Variants in TOX2 observed in about 807,000 individuals in gnomAD.
The protein encoded by TOX2 is granulosa cell HMG box 1.
In TOX2, 15 loss-of-function variants were observed where a neutral mutation model predicts 47.4. The ratio of observed to expected loss-of-function variants is 0.32; its 90% CI spans 0.21 to 0.49. TOX2 has a LOEUF of 0.49. TOX2 is among the 20% of genes least tolerant of loss of function. The pLI is 0.99. For synonymous variants in TOX2, 290 were observed against 296.6 expected (o/e 0.98, Z 0.23); for missense variants, 622 against 673.1 (o/e 0.92, Z 0.84).
rs1328195545 is a variant in TOX2, at chr20:43,916,058, C to G, written c.99+1068C>G. ...GGAACTTTCAAACTTAGTTAGGAAG[C>G]CAGACTGTCCGCGCGTCCGCCAGTC... is the stretch of plus-strand genomic sequence containing the variant. On this transcript the variant is annotated intron_variant, in intron 1 of 8. Transcript: ENST00000341197. This position sits in a 1 kb window ranked among gnomAD's most constrained non-coding sequence, Gnocchi z 5.0. 2 of 936,120 alleles carry G rather than the reference C, an allele frequency of 2.1e-6. No homozygotes were observed. Among genetic ancestry groups the G allele is most frequent in the Non-Finnish European group, 2.5e-6 (2 of 785,094 alleles). The allele number at this position is 936,120 out of a possible 1,614,324, so 58.0% of individuals were successfully genotyped here.
At chr20:44,014,395 T>G (rs1015066963) in intron 3 of TOX2, among the ~76,000 whole-genome samples, 1 of 152,022 alleles carries the variant, frequency 6.6e-6, no homozygotes, top group Non-Finnish European at 1.5e-5. Flanking sequence ...CATATGAGGG[T>G]GTGCACGCAG....
chr20:43,974,459 TG>T (rs1269492035), intron 2 of TOX2, among the ~76,000 whole-genome samples: 1 of 152,214 alleles, frequency 6.6e-6, no homozygotes, highest in Non-Finnish European at 1.5e-5. Flanking sequence ...CAGTGGTGCT[TG>T]CTGGGTGGGA....
intron 4 of TOX2, among the ~76,000 whole-genome samples, chr20:44,052,596 T>C (rs2071534854): frequency 6.6e-6 from 1 of 152,176 alleles, no homozygotes; most frequent in Admixed American, 6.5e-5. Flanking sequence ...GGAACGGTTT[T>C]TATTTAACAA....
At chr20:44,058,169 G>T (rs2071655511) in intron 5 of TOX2, among the ~76,000 whole-genome samples, 1 of 152,236 alleles carries the variant, frequency 6.6e-6, no homozygotes, top group Non-Finnish European at 1.5e-5. Context: ...GACAGCCAAG[G>T]AATTGTGAGT....
At chr20:43,926,130 C>T (rs1330025838) in intron 1 of TOX2, among the ~76,000 whole-genome samples, 2 of 152,288 alleles carry the variant, frequency 1.3e-5, no homozygotes, top group Non-Finnish European at 1.5e-5. Context: ...GTCAATGCCA[C>T]GCATATATTT....
rs541028044 is a variant in TOX2 at position 43,973,631 on chromosome 20, C to G, written c.165+199C>G. Among the ~76,000 whole-genome samples, 4 of 152,296 alleles carry G rather than the reference C, an allele frequency of 2.6e-5. No individual in the cohort carries two copies. In the East Asian group the frequency reaches 5.8e-4, roughly 22 times the overall value. On this transcript the variant is annotated intron_variant, in intron 2 of 8. Transcript: ENST00000341197. ...ACTATAGTGTTCGTAAATTAACTACCTGGCTACTGTTGGCTTAAAATGGAT... is the reference window on the plus strand; with the variant it reads ...ACTATAGTGTTCGTAAATTAACTACGTGGCTACTGTTGGCTTAAAATGGAT...
chr20:43,941,323 CTTT>C (rs3037468), intron 1 of TOX2, among the ~76,000 whole-genome samples: 1 of 136,022 alleles, frequency 7.4e-6, no homozygotes, highest in Non-Finnish European at 1.6e-5. Context: ...GTTTTAAAGC[CTTT>C]TTTTTTTTTT....
intron 1 of TOX2, among the ~76,000 whole-genome samples, chr20:43,933,389 G>T (rs1478684466): frequency 6.6e-6 from 1 of 152,236 alleles, no homozygotes; most frequent in African/African-American, 2.4e-5. Context: ...AGCTGAAACT[G>T]AAGAGCACCT....
chr20:43,998,723 CTAT>C (rs60964167), intron 2 of TOX2, among the ~76,000 whole-genome samples: 65,244 of 132,454 alleles, frequency 0.49, 14,441 homozygotes, highest in East Asian at 0.58. Flanking sequence ...CCTGATACAT[CTAT>C]CTATCTATCT....
At position 44,066,051 on chromosome 20, in the gene TOX2, AC is replaced by A; in HGVS notation, c.1305del (p.Met436TrpfsTer9). On this transcript the variant is annotated frameshift_variant, in exon 7 of 9. Coordinates refer to ENST00000341197, the MANE Select transcript of TOX2 (RefSeq NM_001098797.2). LOFTEE classifies it high-confidence loss of function. ...AGCCCCCCAGCCCCCTGTCCTGCCCACCCCCATGGCACTCCAGGTGCAGCTG... is the reference window on the plus strand; with the variant it reads ...AGCCCCCCAGCCCCCTGTCCTGCCCACCCCATGGCACTCCAGGTGCAGCTG... ...SPAPQPPVLP[T>X]PMALQVQLAM... is the part of the protein sequence containing the mutation. 1 of 1,569,922 alleles carries A rather than the reference AC, an allele frequency of 6.4e-7. No individual in the cohort carries two copies. The highest frequency in any genetic ancestry group is 8.6e-7 in the Non-Finnish European group (1 of 1,158,724).
At chr20:44,049,891 G>A (rs2071478550) in intron 3 of TOX2, among the ~76,000 whole-genome samples, 2 of 152,066 alleles carry the variant, frequency 1.3e-5, no homozygotes, top group African/African-American at 4.8e-5. Flanking sequence ...GTCTATCTTT[G>A]ATGGGTATCT....
At chr20:43,941,274 T>A (rs2069398866) in intron 1 of TOX2, among the ~76,000 whole-genome samples, 2 of 152,016 alleles carry the variant, frequency 1.3e-5, no homozygotes, top group Admixed American at 1.3e-4. Context: ...GTCCCAGGGT[T>A]AATATCATGG....
chr20:44,021,349 G>T (rs184009187), intron 3 of TOX2, among the ~76,000 whole-genome samples: 5 of 152,208 alleles, frequency 3.3e-5, no homozygotes, highest in Admixed American at 3.3e-4. Flanking sequence ...CTGGACCTTC[G>T]TCAGAAGCAC....
At chr20:43,922,989 A>G (rs1568999101) in intron 1 of TOX2, among the ~76,000 whole-genome samples, 1 of 150,158 alleles carries the variant, frequency 6.7e-6, no homozygotes, top group Non-Finnish European at 1.5e-5. Context: ...TTGGCTGAGC[A>G]GTGCCAATGC....
intron 2 of TOX2, among the ~76,000 whole-genome samples, chr20:43,997,535 C>G (rs2070501084): frequency 6.6e-6 from 1 of 151,868 alleles, no homozygotes; most frequent in Non-Finnish European, 1.5e-5. Context: ...TTTTTCATTC[C>G]CTTTTGGGTA....
intron 3 of TOX2, among the ~76,000 whole-genome samples, chr20:44,018,467 C>T (rs551415315): frequency 5.3e-5 from 8 of 152,266 alleles, no homozygotes; most frequent in South Asian, 2.1e-4. Flanking sequence ...CTCTTTCCTC[C>T]GAGTGCATAT....
Position 43,967,874 on chromosome 20 carries a change from A to G in TOX2, c.100-5493A>G, listed in dbSNP as rs575448472. On this transcript the variant is annotated intron_variant, in intron 1 of 8. Coordinates refer to ENST00000341197, the MANE Select transcript of TOX2 (RefSeq NM_001098797.2). ...AGTATAATTGGATTGTCTGCAACAC[A>G]AGGGATAAATGCTTGAGGGGATGGA... Among the ~76,000 whole-genome samples, 19 of 152,314 alleles carry G rather than the reference A, an allele frequency of 1.2e-4. No homozygotes were observed. In the East Asian group the frequency reaches 3.7e-3, roughly 29 times the overall value.
intron 7 of TOX2, among the ~76,000 whole-genome samples, chr20:44,066,389 C>G (rs1402971410): frequency 6.6e-6 from 1 of 152,332 alleles, no homozygotes; most frequent in South Asian, 2.1e-4. Context: ...CTTCCCAAAG[C>G]CTTCGAGACC....
chr20:43,941,323 C>CTTTT (rs3037468), intron 1 of TOX2, among the ~76,000 whole-genome samples: 6 of 136,038 alleles, frequency 4.4e-5, no homozygotes, highest in East Asian at 2.1e-4. Flanking sequence ...GTTTTAAAGC[C>CTTTT]TTTTTTTTTT....
Sources: gnomAD v4.1 joint callset for allele counts (sites outside exome capture counted in the v4.1 genomes callset) on GRCh38, gnomAD v4.1.1 for gene constraint, Gnocchi (gnomAD v3.1) non-coding constraint, MANE v1.5 for transcripts, NCBI Gene and HGNC (gene_info 2026-07-23, HGNC 2026-07-21) for gene names.